The following PHF14 variants were observed in gnomAD, a reference collection of about 807,000 sequenced individuals.
PHF14 encodes PHD finger protein 14.
PHF14 carries 55 observed loss-of-function variants against 117.9 expected under a neutral mutation model. The ratio of observed to expected loss-of-function variants is 0.47; its 90% CI spans 0.38 to 0.58. The LOEUF (loss-of-function observed/expected upper bound fraction) is 0.58. Among genes scored for constraint, PHF14 ranks in the 20% least tolerant of loss-of-function variants. PHF14 has a pLI of 0.00. For missense variants in PHF14, 978 were observed against 1,122.2 expected (o/e 0.87, Z 1.84); for synonymous variants, 409 against 368.6 (o/e 1.11, Z -1.26).
At chr7:11,075,087 G>A (rs1785780923) in intron 16 of PHF14, among the ~76,000 whole-genome samples, 1 of 151,836 alleles carries the variant, frequency 6.6e-6, no homozygotes, top group Non-Finnish European at 1.5e-5. Flanking sequence ...ACAGACACAT[G>A]CCATCACACC....
rs572598371 is a variant in PHF14, at chr7:11,033,593, T to A, written c.1456-2047T>A. ...TGCCCAGTAAAAACTCATAGGGGTC[T>A]AGTACTAATGGGAAGAATGGATATT... On this transcript the variant is annotated intron_variant, in intron 7 of 17. Transcript: ENST00000634607. 5.9e-5 allele frequency among the ~76,000 whole-genome samples: 9 copies of A among 152,306 alleles called. No homozygotes were observed. In the South Asian group the frequency reaches 1.9e-3, roughly 32 times the overall value.
chr7:11,104,039 A>G, intron 16 of PHF14: 1 of 985,038 alleles, frequency 1.0e-6, no homozygotes, highest in Non-Finnish European at 1.2e-6. Flanking sequence ...CCATTTTCTA[A>G]GTGGAATATA....
At chr7:11,102,314 A>G (rs981675799) in intron 16 of PHF14, among the ~76,000 whole-genome samples, 1 of 151,826 alleles carries the variant, frequency 6.6e-6, no homozygotes, top group Non-Finnish European at 1.5e-5. Flanking sequence ...ATTTTAACCA[A>G]TAGGAACCTA....
At chr7:11,126,648 T>C (rs1490031007) in intron 17 of PHF14, among the ~76,000 whole-genome samples, 1 of 151,916 alleles carries the variant, frequency 6.6e-6, no homozygotes, top group African/African-American at 2.4e-5. Flanking sequence ...TTTGGAAACA[T>C]GACAATATAT....
intron 13 of PHF14, among the ~76,000 whole-genome samples, chr7:11,051,223 T>A (rs986515923): frequency 1.6e-4 from 25 of 152,112 alleles, no homozygotes; most frequent in African/African-American, 5.3e-4. Context: ...TTTTTTTTTT[T>A]GTGAAGACAG....
chr7:11,064,056 G>A (rs897271420), intron 16 of PHF14, among the ~76,000 whole-genome samples: 65 of 151,970 alleles, frequency 4.3e-4, no homozygotes, highest in African/African-American at 1.5e-3. Context: ...GAAATTAAAT[G>A]TTTTATTGGT....
chr7:11,128,726 G>A (rs959754179), intron 17 of PHF14, among the ~76,000 whole-genome samples: 4 of 144,340 alleles, frequency 2.8e-5, no homozygotes, highest in Admixed American at 7.1e-5. Flanking sequence ...CTTTCCTCCC[G>A]TTCTCCTTCC....
Position 11,130,037 on chromosome 7 carries a change from A to G in PHF14, c.2772+18570A>G, listed in dbSNP as rs912737632. On this transcript the variant is annotated intron_variant, in intron 17 of 17. Coordinates refer to ENST00000634607, the MANE Select transcript of PHF14 (RefSeq NM_001007157.2). The surrounding 1 kb of genome is among the most constrained non-coding windows in gnomAD (Gnocchi z 4.2). ...AATCCCAAATTTTTAGTTGATTAAT[A>G]TAAGTTGATTTCTCATTCATGTAAC... is the stretch of plus-strand genomic sequence containing the variant. Among the ~76,000 whole-genome samples the G allele has an allele frequency of 3.3e-5, 5 of 152,170 alleles. No individual in the cohort carries two copies. Among genetic ancestry groups the G allele is most frequent in the African/African-American group, 1.2e-4 (5 of 41,548 alleles).
At chr7:11,041,890 A>AG (rs1000691250) in intron 12 of PHF14, among the ~76,000 whole-genome samples, 1 of 150,832 alleles carries the variant, frequency 6.6e-6, no homozygotes. Flanking sequence ...ACTTTTTTCT[A>AG]GGAGTATTTA....
At chr7:11,056,056 C>G (rs1466731140) in intron 14 of PHF14, among the ~76,000 whole-genome samples, 1 of 152,090 alleles carries the variant, frequency 6.6e-6, no homozygotes, top group East Asian at 1.9e-4. Context: ...AGGTACGAGT[C>G]AGATTATAAA....
intron 16 of PHF14, among the ~76,000 whole-genome samples, chr7:11,092,288 T>C (rs1056353257): frequency 2.0e-5 from 3 of 152,230 alleles, no homozygotes; most frequent in Admixed American, 6.5e-5. Flanking sequence ...TAGGGTGCAT[T>C]TGAAGCACCT....
At chr7:11,102,297 T>C (rs1418201425) in intron 16 of PHF14, among the ~76,000 whole-genome samples, 3 of 151,832 alleles carry the variant, frequency 2.0e-5, no homozygotes, top group African/African-American at 7.2e-5. Flanking sequence ...AATGATAAAA[T>C]AGTTCAATTT....
chr7:11,105,303 C>T (rs927883280), intron 16 of PHF14: 7 of 942,676 alleles, frequency 7.4e-6, no homozygotes, highest in Non-Finnish European at 8.8e-6. Flanking sequence ...TAAAAATAGA[C>T]TGCTGACCAA....
chr7:11,002,027 A>T (rs1163224896), intron 4 of PHF14, among the ~76,000 whole-genome samples: 1 of 149,830 alleles, frequency 6.7e-6, no homozygotes, highest in Non-Finnish European at 1.5e-5. Context: ...ATTACTCCTT[A>T]TTTCTGTTTG....
In PHF14 at chr7:11,056,984, G is replaced by A. The variant is rs144936245; in HGVS notation, c.2482-4807G>A. On this transcript the variant is annotated intron_variant, in intron 14 of 17. Coordinates refer to ENST00000634607, the MANE Select transcript of PHF14 (RefSeq NM_001007157.2). Reference sequence around the variant, plus strand: ...TAATTAACATTGATTTTGGAATTTTGCCCATGAATAAGCATGTTCTATTTT... The same window carrying A: ...TAATTAACATTGATTTTGGAATTTTACCCATGAATAAGCATGTTCTATTTT... 3.0e-4 allele frequency among the ~76,000 whole-genome samples: 46 copies of A among 151,958 alleles called. No homozygotes were observed. The East Asian group carries it at 3.7e-3, about 12-fold the overall frequency.
intron 2 of PHF14, among the ~76,000 whole-genome samples, chr7:10,975,392 T>G (rs1424239026): frequency 2.6e-5 from 4 of 152,182 alleles, no homozygotes; most frequent in Non-Finnish European, 5.9e-5. Context: ...TAGAATAAAA[T>G]TGACCAGAGT....
rs570123068 is a variant in PHF14, at chr7:11,016,126, A to G, written c.1205+2220A>G. Among the ~76,000 whole-genome samples the G allele has an allele frequency of 2.3e-4, 35 of 152,234 alleles. No individual in the cohort carries two copies. In the East Asian group the frequency reaches 5.0e-3, roughly 22 times the overall value. The stretch of plus-strand genomic sequence containing the variant: ...TTTTTTTGGATACTGTGGACGTTAC[A>G]TAAGTAGACACCTCCTGTGATGGTG... On this transcript the variant is annotated intron_variant, in intron 5 of 17. Coordinates refer to ENST00000634607, the MANE Select transcript of PHF14 (RefSeq NM_001007157.2).
chr7:11,152,580 C>G (rs192087156), intron 17 of PHF14, among the ~76,000 whole-genome samples: 4 of 152,120 alleles, frequency 2.6e-5, no homozygotes, highest in South Asian at 4.1e-4. Flanking sequence ...TATCCAATAA[C>G]TATTCATAAG....
chr7:11,110,598 C>T (rs1265235223), intron 16 of PHF14: 1 of 811,376 alleles, frequency 1.2e-6, no homozygotes, highest in East Asian at 1.2e-4. Context: ...GGCAAAGACA[C>T]TATCAAAACA....
Sources: gnomAD v4.1 joint callset for allele counts (sites outside exome capture counted in the v4.1 genomes callset) on GRCh38, gnomAD v4.1.1 for gene constraint, Gnocchi (gnomAD v3.1) non-coding constraint, MANE v1.5 for transcripts, NCBI Gene and HGNC (gene_info 2026-07-23, HGNC 2026-07-21) for gene names.